ARHGAP10: variants seen among roughly 807,000 people sequenced by gnomAD.
ARHGAP10 encodes the protein Rho GTPase activating protein 10.
ARHGAP10 carries 87 observed loss-of-function variants against 108.6 expected under a neutral mutation model. The ratio of observed to expected loss-of-function variants is 0.80; its 90% CI spans 0.67 to 0.96. ARHGAP10 has a LOEUF of 0.96. ARHGAP10 is among the 40% of genes least tolerant of loss of function. ARHGAP10 has a pLI of 0.00. For synonymous variants in ARHGAP10, 347 were observed against 341.1 expected (o/e 1.02, Z -0.19); for missense variants, 939 against 954.5 (o/e 0.98, Z 0.21).
Position 147,866,832 on chromosome 4 carries a change from C to A in ARHGAP10, c.702+16C>A. 1 of 1,551,674 alleles carries A rather than the reference C, an allele frequency of 6.4e-7. No homozygotes were observed. Among genetic ancestry groups the A allele is most frequent in the Non-Finnish European group, 8.8e-7 (1 of 1,132,170 alleles). On this transcript the variant is annotated intron_variant, in intron 7 of 22. Transcript: ENST00000336498. ...CATTCAGAATGTAAGGAAGTGAAAG[C>A]TTTCTTTATAAAAAGATGTTTGAAA...
intron 7 of ARHGAP10, among the ~76,000 whole-genome samples, chr4:147,873,722 A>ACACACACACACACACACACACACT (rs775092505): frequency 2.1e-5 from 3 of 144,442 alleles, no homozygotes; most frequent in Non-Finnish European, 3.0e-5. Context: ...ACACACACAC[A>ACACACACACACACACACACACACT]CTCTTGGCCT....
chr4:147,755,963 C>A (rs1258536057), intron 1 of ARHGAP10, among the ~76,000 whole-genome samples: 2 of 151,994 alleles, frequency 1.3e-5, no homozygotes, highest in East Asian at 3.9e-4. Context: ...TATCAACTGG[C>A]TTTTAGACCT....
intron 22 of ARHGAP10, among the ~76,000 whole-genome samples, chr4:148,069,844 G>A (rs6824449): frequency 0.55 from 83,292 of 152,062 alleles, 25,262 homozygotes; most frequent in East Asian, 0.83. Flanking sequence ...AACCCTGAGG[G>A]CCTGTTTTGC....
At chr4:147,926,486 G>A (rs1034143140) in intron 13 of ARHGAP10, among the ~76,000 whole-genome samples, 7 of 152,178 alleles carry the variant, frequency 4.6e-5, no homozygotes, top group Non-Finnish European at 5.9e-5. Flanking sequence ...GAGACCTTTA[G>A]CCAAGGCAGA....
intron 1 of ARHGAP10, among the ~76,000 whole-genome samples, chr4:147,772,162 A>C (rs1730109653): frequency 6.6e-6 from 1 of 152,172 alleles, no homozygotes; most frequent in Admixed American, 6.5e-5. Flanking sequence ...CTCTCTGCGC[A>C]CTGGGACGTG....
chr4:147,743,691 C>T (rs1450042944), intron 1 of ARHGAP10, among the ~76,000 whole-genome samples: 10 of 152,118 alleles, frequency 6.6e-5, no homozygotes, highest in African/African-American at 1.7e-4. Flanking sequence ...GCAGGAGAAT[C>T]GCTTGAATCC....
chr4:147,897,198 T>TA (rs1333492310), intron 10 of ARHGAP10, among the ~76,000 whole-genome samples: 4 of 151,744 alleles, frequency 2.6e-5, no homozygotes, highest in African/African-American at 9.7e-5. Flanking sequence ...GTTCTGTTTT[T>TA]AAAAAAATAT....
intron 13 of ARHGAP10, among the ~76,000 whole-genome samples, chr4:147,936,438 C>T (rs960390374): frequency 2.7e-5 from 4 of 148,564 alleles, no homozygotes; most frequent in Non-Finnish European, 5.9e-5. Context: ...ACGCCATTCT[C>T]CTGCCTCAGC....
intron 19 of ARHGAP10, among the ~76,000 whole-genome samples, chr4:148,039,040 T>G (rs1327729371): frequency 1.3e-5 from 2 of 152,200 alleles, no homozygotes; most frequent in Admixed American, 6.5e-5. Context: ...CTCCCTCTGA[T>G]CTACCCACCC....
intron 9 of ARHGAP10, among the ~76,000 whole-genome samples, chr4:147,880,005 A>G (rs1009721502): frequency 2.0e-5 from 3 of 152,240 alleles, no homozygotes; most frequent in Admixed American, 1.3e-4. Context: ...AAGTTCTCAC[A>G]TAGGTATTCA....
At chr4:147,754,109 G>C (rs980197386) in intron 1 of ARHGAP10, among the ~76,000 whole-genome samples, 2 of 152,158 alleles carry the variant, frequency 1.3e-5, no homozygotes, top group African/African-American at 4.8e-5. Flanking sequence ...ACAGTGCCTT[G>C]CTCATAGGCA....
At chr4:148,064,379 T>G (rs1236151316) in intron 21 of ARHGAP10, 37 bp from the exon 22 acceptor site, 2 of 1,592,726 alleles carry the variant, frequency 1.3e-6, no homozygotes, top group East Asian at 2.2e-5. Flanking sequence ...GTTTTCCACA[T>G]TTTCATTGGT....
intron 7 of ARHGAP10, 78 bp from the exon 8 acceptor site, chr4:147,874,943 A>G: frequency 1.5e-6 from 2 of 1,369,050 alleles, no homozygotes; most frequent in Non-Finnish European, 1.9e-6. Flanking sequence ...AATTACATTT[A>G]TGCAGAGACT....
chr4:147,910,462 G>A (rs1276744807), intron 12 of ARHGAP10, among the ~76,000 whole-genome samples: 1 of 152,132 alleles, frequency 6.6e-6, no homozygotes, highest in Non-Finnish European at 1.5e-5. Flanking sequence ...GTTAACTCCT[G>A]TGGGTAAGAG....
intron 1 of ARHGAP10, among the ~76,000 whole-genome samples, chr4:147,764,347 A>G (rs1052566292): frequency 6.6e-6 from 1 of 152,020 alleles, no homozygotes. Flanking sequence ...TGAGCTTGCC[A>G]GGAGAGAGGT....
At chr4:147,837,650 T>TTTTG (rs1553955209) in intron 3 of ARHGAP10, among the ~76,000 whole-genome samples, 1 of 112,006 alleles carries the variant, frequency 8.9e-6, no homozygotes, top group East Asian at 3.1e-4. Flanking sequence ...ACTGTTTTTT[T>TTTTG]TTTTTTTTTT....
At chr4:147,887,279 G>T (rs1735610052) in intron 10 of ARHGAP10, among the ~76,000 whole-genome samples, 1 of 152,060 alleles carries the variant, frequency 6.6e-6, no homozygotes, top group African/African-American at 2.4e-5. Context: ...AGCTGCCTGT[G>T]TTCCTGATGG....
intron 1 of ARHGAP10, among the ~76,000 whole-genome samples, chr4:147,753,992 G>A (rs1045054441): frequency 3.9e-5 from 6 of 152,252 alleles, no homozygotes; most frequent in Non-Finnish European, 7.3e-5. Flanking sequence ...AAGACCTAAC[G>A]TTCCTAAAAA....
chr4:147,740,074 A>G (rs1578986016), intron 1 of ARHGAP10, among the ~76,000 whole-genome samples: 1 of 105,094 alleles, frequency 9.5e-6, no homozygotes, highest in African/African-American at 3.7e-5. Context: ...TTTGAGACAG[A>G]GTCTTGCTCT....
Sources: gnomAD v4.1 joint callset for allele counts (sites outside exome capture counted in the v4.1 genomes callset) on GRCh38, gnomAD v4.1.1 for gene constraint, MANE v1.5 for transcripts, NCBI Gene and HGNC (gene_info 2026-07-23, HGNC 2026-07-21) for gene names.